The following CDK12 variants were observed in gnomAD, a reference collection of about 807,000 sequenced individuals.
The protein encoded by CDK12 is cyclin dependent kinase 12.
CDK12 carries 17 observed loss-of-function variants against 133.8 expected under a neutral mutation model. The observed-to-expected ratio is 0.13, with a 90% CI of 0.09 to 0.19. CDK12 has a LOEUF of 0.19. Ranked by LOEUF, CDK12 falls within the 10% of genes least tolerant of loss-of-function variation. CDK12 has a pLI of 1.00. For missense variants in CDK12, 1,508 were observed against 1,818.7 expected, an observed-to-expected ratio of 0.83 and a Z score of 3.11; for synonymous variants, 694 against 683.6, an observed-to-expected ratio of 1.02 and a Z score of -0.24.
intron 8 of CDK12, among the ~76,000 whole-genome samples, chr17:39,515,388 T>A (rs1427541909): frequency 1.3e-5 from 2 of 152,228 alleles, no homozygotes; most frequent in African/African-American, 2.4e-5. Context: ...TGTTTATTTA[T>A]TTTTTGTTAG....
downstream of CDK12, among the ~76,000 whole-genome samples, chr17:39,537,565 A>T (rs1567801094): frequency 6.8e-6 from 1 of 147,926 alleles, no homozygotes; most frequent in Non-Finnish European, 1.5e-5. Context: ...TTATTTATTT[A>T]TTTATTTATT....
intron 2 of CDK12, among the ~76,000 whole-genome samples, chr17:39,475,188 A>G (rs769375592): frequency 6.6e-6 from 1 of 151,312 alleles, no homozygotes; most frequent in Non-Finnish European, 1.5e-5. Flanking sequence ...ATTAATAGGT[A>G]TTTATGGACT....
intron 2 of CDK12, among the ~76,000 whole-genome samples, chr17:39,552,398 G>A (rs2055990042): frequency 6.6e-6 from 1 of 152,172 alleles, no homozygotes. Context: ...TCCCACCTGT[G>A]GGGCTGGCTG....
intron 2 of CDK12, among the ~76,000 whole-genome samples, chr17:39,486,178 C>T (rs1189991795): frequency 1.3e-5 from 2 of 151,038 alleles, no homozygotes; most frequent in East Asian, 1.9e-4. Context: ...GTCTTGAACT[C>T]CTGACTTCAG....
chr17:39,492,013 T>TTA (rs774686563), intron 3 of CDK12, among the ~76,000 whole-genome samples: 3 of 113,066 alleles, frequency 2.7e-5, no homozygotes, highest in Non-Finnish European at 5.4e-5. Context: ...TGTAGAGTAC[T>TTA]AAAAAAAAAA....
chr17:39,544,607 A>AGTG (rs2055584508), upstream of CDK12, among the ~76,000 whole-genome samples: 1 of 145,972 alleles, frequency 6.9e-6, no homozygotes. Flanking sequence ...CCTCTTGAGT[A>AGTG]GCTGGGTAAC....
intron 1 of CDK12, among the ~76,000 whole-genome samples, chr17:39,465,698 C>T (rs941788567): frequency 1.3e-5 from 2 of 151,976 alleles, no homozygotes; most frequent in Non-Finnish European, 2.9e-5. Context: ...ACCATGTTGG[C>T]CAGGTTGGTC....
intron 13 of CDK12, 65 bp downstream of exon 13, chr17:39,526,381 T>TTA: frequency 3.1e-6 from 4 of 1,285,884 alleles, no homozygotes; most frequent in Non-Finnish European, 4.2e-6. Flanking sequence ...AAAAATCTCT[T>TTA]AACATTTTTT....
rs1409083337 is a variant in CDK12 at position 39,463,132 on chromosome 17, T to C, written c.1046+15T>C. On this transcript the variant is annotated intron_variant, in intron 1 of 13. Transcript: ENST00000447079. ...CCACTCCCCAGGTGAGCTATTTGTC[T>C]AACAGTCCTTCCTCATTTAGGGTGG... The C allele has an allele frequency of 1.2e-6, 2 of 1,606,904 alleles. No homozygotes were observed. Among genetic ancestry groups the C allele is most frequent in the Admixed American group, 1.7e-5 (1 of 59,348 alleles).
chr17:39,470,165 T>A (rs1459896859), intron 1 of CDK12, among the ~76,000 whole-genome samples: 1 of 149,716 alleles, frequency 6.7e-6, no homozygotes, highest in East Asian at 2.0e-4. Flanking sequence ...GTAGTCTCAC[T>A]CTGTCGCCCA....
chr17:39,544,129 G>A, upstream of CDK12: 5 of 460,132 alleles, frequency 1.1e-5, no homozygotes, highest in Admixed American at 2.4e-5. Flanking sequence ...TTAGAAGAGT[G>A]CTAACATCAC....
At chr17:39,520,951 G>A (rs901983797) in intron 11 of CDK12, among the ~76,000 whole-genome samples, 1 of 152,034 alleles carries the variant, frequency 6.6e-6, no homozygotes, top group Admixed American at 6.5e-5. Flanking sequence ...AGGTTCAAGC[G>A]ATTCACCTGC....
Position 39,462,775 on chromosome 17 carries a change from A to G in CDK12, c.704A>G (p.Asp235Gly), listed in dbSNP as rs1366680114. 2 of 1,614,186 alleles carry G rather than the reference A, an allele frequency of 1.2e-6. No individual in the cohort carries two copies. Among genetic ancestry groups the G allele is most frequent in the Admixed American group, 1.7e-5 (1 of 60,012 alleles). ...RKWSDSSKQD[D>G]SPSGASYGQD... ...TGGTCTGACAGCTCCAAACAAGATG[A>G]TAGCCCCTCGGGAGCTTCTTATGGC... The change falls in exon 1 of 14, where the codon GAT becomes GGT. Residue 235 changes from aspartate to glycine, a missense_variant. Asp to Gly is a moderately conservative substitution (Grantham distance 94). Coordinates refer to ENST00000447079, the MANE Select transcript of CDK12 (RefSeq NM_016507.4).
At chr17:39,472,124 C>T (rs1356256279) in intron 2 of CDK12, among the ~76,000 whole-genome samples, 2 of 151,980 alleles carry the variant, frequency 1.3e-5, no homozygotes, top group East Asian at 1.9e-4. Flanking sequence ...GCTGGGACTA[C>T]AGGCATGCAC....
chr17:39,538,053 G>C (rs563245096), downstream of CDK12, among the ~76,000 whole-genome samples: 1 of 152,230 alleles, frequency 6.6e-6, no homozygotes, highest in East Asian at 1.9e-4. Context: ...TGGAGGATGG[G>C]CCAAGAACCC....
upstream of CDK12, among the ~76,000 whole-genome samples, chr17:39,544,923 C>G (rs771480633): frequency 6.6e-6 from 1 of 152,186 alleles, no homozygotes; most frequent in Non-Finnish European, 1.5e-5. Context: ...AGCCACCGCA[C>G]CAGGCTAACA....
chr17:39,551,213 T>C (rs1031580829), intron 2 of CDK12: 7 of 152,170 alleles, frequency 4.6e-5, no homozygotes, highest in African/African-American at 1.7e-4. Flanking sequence ...TTGCTTGAAG[T>C]CTCAAGTTTC....
chr17:39,499,568 G>A (rs927888788), intron 5 of CDK12, among the ~76,000 whole-genome samples: 12 of 150,280 alleles, frequency 8.0e-5, no homozygotes, highest in African/African-American at 3.0e-4. Flanking sequence ...GAAGTGCGAT[G>A]GTGCAGTCTC....
At chr17:39,517,254 T>A (rs1312788305) in intron 9 of CDK12, among the ~76,000 whole-genome samples, 186 bp from the exon 10 acceptor site, 4 of 152,226 alleles carry the variant, frequency 2.6e-5, no homozygotes, top group Non-Finnish European at 5.9e-5. Flanking sequence ...TATAACCAGT[T>A]CTTTCTGTTC....
Sources: gnomAD v4.1 joint callset for allele counts (sites outside exome capture counted in the v4.1 genomes callset) on GRCh38, gnomAD v4.1.1 for gene constraint, MANE v1.5 for transcripts, NCBI Gene and HGNC (gene_info 2026-07-23, HGNC 2026-07-21) for gene names.